Variants in TTC28 observed in about 807,000 individuals in gnomAD.
TTC28 encodes tetratricopeptide repeat protein 28.
Under a neutral mutation model 198.0 loss-of-function variants are expected in TTC28, and 61 were observed. The ratio of observed to expected loss-of-function variants is 0.31; its 90% CI spans 0.25 to 0.38. TTC28 has a LOEUF of 0.38. Among genes scored for constraint, TTC28 ranks in the 10% least tolerant of loss-of-function variants. The pLI, the probability that TTC28 is intolerant of heterozygous loss-of-function variation, is 1.00. For missense variants in TTC28, 2,678 were observed against 3,164.0 expected, an observed-to-expected ratio of 0.85 and a Z score of 3.69; for synonymous variants, 1,171 against 1,297.8, an observed-to-expected ratio of 0.90 and a Z score of 2.10.
At chr22:28,424,737 A>G (rs1213197687) in intron 2 of TTC28, among the ~76,000 whole-genome samples, 1 of 152,194 alleles carries the variant, frequency 6.6e-6, no homozygotes, top group Non-Finnish European at 1.5e-5. Context: ...AAACATTTAG[A>G]TCTTTGCTAA....
At chr22:28,111,836 T>C (rs541785403) in intron 6 of TTC28, among the ~76,000 whole-genome samples, 2 of 152,292 alleles carry the variant, frequency 1.3e-5, no homozygotes, top group East Asian at 3.9e-4. Flanking sequence ...GAGAGGCAAT[T>C]GGAGGCAACT....
At chr22:28,167,391 T>C (rs907094167) in intron 5 of TTC28, among the ~76,000 whole-genome samples, 2 of 152,124 alleles carry the variant, frequency 1.3e-5, no homozygotes, top group East Asian at 3.8e-4. Context: ...TAGACCAATA[T>C]CCCTGATGAA....
At chr22:28,551,964 T>C (rs1193949418) in intron 2 of TTC28, among the ~76,000 whole-genome samples, 6 of 152,154 alleles carry the variant, frequency 3.9e-5, no homozygotes, top group Admixed American at 3.3e-4. Context: ...GATATGATCA[T>C]ATACCTAGAG....
intron 12 of TTC28, among the ~76,000 whole-genome samples, chr22:28,035,846 GATAAA>G (rs1340448913): frequency 6.6e-6 from 1 of 152,158 alleles, no homozygotes; most frequent in Non-Finnish European, 1.5e-5. Flanking sequence ...CTTAGTCTCT[GATAAA>G]ACAGACTTTA....
At chr22:28,440,677 T>C (rs2047606276) in intron 2 of TTC28, among the ~76,000 whole-genome samples, 1 of 152,204 alleles carries the variant, frequency 6.6e-6, no homozygotes, top group South Asian at 2.1e-4. Flanking sequence ...TAAATGGTTT[T>C]TATGAAACCG....
chr22:28,189,871 A>G (rs1469043193), intron 5 of TTC28, among the ~76,000 whole-genome samples: 1 of 152,202 alleles, frequency 6.6e-6, no homozygotes, highest in Non-Finnish European at 1.5e-5. Context: ...TTAAAGAAAA[A>G]AAAAAGAGTG....
chr22:28,386,304 A>AAAAAAAAG (rs1569296639), intron 2 of TTC28, among the ~76,000 whole-genome samples: 25 of 124,136 alleles, frequency 2.0e-4, no homozygotes, highest in African/African-American at 7.3e-4. Flanking sequence ...AAAAAAAAAA[A>AAAAAAAAG]AAGAAGGCTT....
At chr22:28,164,763 C>T (rs986476399) in intron 5 of TTC28, among the ~76,000 whole-genome samples, 1 of 152,128 alleles carries the variant, frequency 6.6e-6, no homozygotes, top group African/African-American at 2.4e-5. Context: ...AACACAGTTC[C>T]TCACCAACAA....
At chr22:28,168,865 T>C (rs1173049116) in intron 5 of TTC28, among the ~76,000 whole-genome samples, 2 of 152,184 alleles carry the variant, frequency 1.3e-5, no homozygotes, top group East Asian at 3.9e-4. Context: ...CAAAAGAAAC[T>C]ACCATCAGAG....
intron 6 of TTC28, among the ~76,000 whole-genome samples, chr22:28,112,484 G>A (rs1942512646): frequency 6.6e-6 from 1 of 152,124 alleles, no homozygotes; most frequent in East Asian, 1.9e-4. Context: ...AGAATCATAG[G>A]AAGACTCTCA....
chr22:28,001,175 G>A, intron 15 of TTC28, 199 bp downstream of exon 15: 1 of 604,844 alleles, frequency 1.7e-6, no homozygotes, highest in Non-Finnish European at 2.8e-6. Context: ...GCAAAGAATG[G>A]CCAGGGGTCA....
At chr22:28,476,300 A>C (rs2146311281) in intron 2 of TTC28, among the ~76,000 whole-genome samples, 1 of 152,336 alleles carries the variant, frequency 6.6e-6, no homozygotes, top group South Asian at 2.1e-4. Context: ...ATTATAGTTC[A>C]TTCATTTTCC....
intron 2 of TTC28, among the ~76,000 whole-genome samples, chr22:28,448,712 G>A (rs1280918340): frequency 6.6e-6 from 1 of 152,136 alleles, no homozygotes; most frequent in Non-Finnish European, 1.5e-5. Flanking sequence ...ATAACTTGTT[G>A]CAGGAAGAAT....
At chr22:28,448,618 A>T (rs550876189) in intron 2 of TTC28, among the ~76,000 whole-genome samples, 1 of 152,348 alleles carries the variant, frequency 6.6e-6, no homozygotes, top group East Asian at 1.9e-4. Flanking sequence ...TGACACCACA[A>T]AAATGTTGCC....
intron 2 of TTC28, among the ~76,000 whole-genome samples, chr22:28,567,738 G>C (rs1330144823): frequency 6.6e-6 from 1 of 150,878 alleles, no homozygotes; most frequent in Non-Finnish European, 1.5e-5. Context: ...CAAAACAAGG[G>C]AATAAATAAA....
chr22:28,333,314 C>A (rs1244018074), intron 2 of TTC28, among the ~76,000 whole-genome samples: 1 of 152,114 alleles, frequency 6.6e-6, no homozygotes, highest in South Asian at 2.1e-4. Context: ...TATCACTCCT[C>A]TTCCCCTGAG....
intron 19 of TTC28, 90 bp downstream of exon 19, chr22:27,992,497 T>C: frequency 7.5e-7 from 1 of 1,337,906 alleles, no homozygotes; most frequent in Non-Finnish European, 1.0e-6. Flanking sequence ...CTGCATTCAC[T>C]TACAGGTTCC....
At chr22:28,508,051 A>G (rs2048637128) in intron 2 of TTC28, among the ~76,000 whole-genome samples, 2 of 152,320 alleles carry the variant, frequency 1.3e-5, no homozygotes, top group East Asian at 1.9e-4. Flanking sequence ...AAATTCACAC[A>G]TAACAATACT....
chr22:28,245,449 C>G (rs1316065278), intron 5 of TTC28, among the ~76,000 whole-genome samples: 1 of 151,972 alleles, frequency 6.6e-6, no homozygotes, highest in African/African-American at 2.4e-5. Context: ...AATGATTTTC[C>G]CAGTTTTATA....
Sources: gnomAD v4.1 joint callset for allele counts (sites outside exome capture counted in the v4.1 genomes callset) on GRCh38, gnomAD v4.1.1 for gene constraint, MANE v1.5 for transcripts, NCBI Gene and HGNC (gene_info 2026-07-23, HGNC 2026-07-21) for gene names.